Variants in CTNND2 observed in about 807,000 individuals in gnomAD.
CTNND2 encodes catenin delta-2.
A neutral mutation model predicts 144.4 loss-of-function variants in CTNND2; 22 were observed. The ratio of observed to expected loss-of-function variants is 0.15; its 90% CI spans 0.11 to 0.22. The LOEUF (loss-of-function observed/expected upper bound fraction) is 0.22, where lower values mean the gene tolerates loss of function less well. Among genes scored for constraint, CTNND2 ranks in the 10% least tolerant of loss-of-function variants. The probability of loss-of-function intolerance (pLI) is 1.00; values close to 1 mark genes in which losing one functional copy is unlikely to be tolerated. For missense variants in CTNND2, 1,353 were observed against 1,618.8 expected (o/e 0.84, Z 2.82); for synonymous variants, 751 against 695.6 (o/e 1.08, Z -1.25).
At chr5:11,608,181 T>C (rs1294646183) in intron 2 of CTNND2, among the ~76,000 whole-genome samples, 3 of 152,204 alleles carry the variant, frequency 2.0e-5, no homozygotes, top group South Asian at 4.1e-4. Flanking sequence ...CTATGATTCA[T>C]AGAAACCCAG....
rs1447631152 is a variant in CTNND2, at chr5:11,557,341, T to C, written c.287+7603A>G. On this transcript the variant is annotated intron_variant, in intron 3 of 21. Coordinates refer to ENST00000304623, the MANE Select transcript of CTNND2 (RefSeq NM_001332.4). ...ATCATCAAAATTTCTCAAGGGCTAC[T>C]TTCTCTTCTGCAGGTTCTGGGGAAT... 1.1e-4 allele frequency among the ~76,000 whole-genome samples: 17 copies of C among 152,186 alleles called. No individual in the cohort carries two copies. The East Asian group carries it at 3.3e-3, about 29-fold the overall frequency.
chr5:11,470,982 T>TATATATATATATATATA (rs56744030), intron 3 of CTNND2, among the ~76,000 whole-genome samples: 112 of 37,758 alleles, frequency 3.0e-3, no homozygotes, highest in South Asian at 6.5e-3. Flanking sequence ...ATATATATAT[T>TATATATATATATATATA]TTTTTTTTTT....
chr5:11,353,288 G>A (rs1755517835), intron 8 of CTNND2, among the ~76,000 whole-genome samples: 1 of 152,052 alleles, frequency 6.6e-6, no homozygotes, highest in Non-Finnish European at 1.5e-5. Flanking sequence ...CAGGACGGTG[G>A]GCAGGACTGG....
intron 1 of CTNND2, among the ~76,000 whole-genome samples, chr5:11,812,279 A>C (rs1041478171): frequency 1.3e-5 from 2 of 152,186 alleles, no homozygotes; most frequent in African/African-American, 4.8e-5. Flanking sequence ...TTTAATCTTA[A>C]GATGAATTAG....
chr5:11,510,627 A>G (rs1771544703), intron 3 of CTNND2, among the ~76,000 whole-genome samples: 1 of 152,190 alleles, frequency 6.6e-6, no homozygotes, highest in African/African-American at 2.4e-5. Context: ...AAGCAAACAC[A>G]CTCAAATTTA....
intron 19 of CTNND2, among the ~76,000 whole-genome samples, chr5:10,989,243 C>A (rs1219020191): frequency 6.6e-6 from 1 of 152,160 alleles, no homozygotes; most frequent in Non-Finnish European, 1.5e-5. Context: ...CGCACCCCAC[C>A]CTGTGGGCAC....
At chr5:11,799,263 G>T (rs1009708939) in intron 1 of CTNND2, among the ~76,000 whole-genome samples, 1 of 152,064 alleles carries the variant, frequency 6.6e-6, no homozygotes, top group Non-Finnish European at 1.5e-5. Context: ...CCCATTCTGT[G>T]ATTCTATCTT....
rs1332603131 is a variant in CTNND2, at chr5:11,734,241, C to T, written c.38-1969G>A. ...CAAGAGAGCAGCCATGACCTTGTAT[C>T]GCCACCTCTCTCCATGTCCAATGGT... On this transcript the variant is annotated intron_variant, in intron 1 of 21. Transcript: ENST00000304623. Among the ~76,000 whole-genome samples, 6 of 152,278 alleles carry T rather than the reference C, an allele frequency of 3.9e-5. No homozygotes were observed. The South Asian group carries it at 1.0e-3, about 26-fold the overall frequency.
At chr5:11,404,522 A>C (rs1760908769) in intron 5 of CTNND2, among the ~76,000 whole-genome samples, 1 of 150,750 alleles carries the variant, frequency 6.6e-6, no homozygotes, top group African/African-American at 2.4e-5. Flanking sequence ...AAAACTCAGT[A>C]CATTAAGAGT....
chr5:11,003,118 A>C (rs1269691211), intron 18 of CTNND2, among the ~76,000 whole-genome samples: 1 of 152,210 alleles, frequency 6.6e-6, no homozygotes, highest in Admixed American at 6.5e-5. Context: ...CTGAAGTCAC[A>C]AACACAAGCT....
At chr5:11,408,962 G>A (rs184935879) in intron 5 of CTNND2, among the ~76,000 whole-genome samples, 17 of 151,698 alleles carry the variant, frequency 1.1e-4, no homozygotes, top group East Asian at 7.7e-4. Flanking sequence ...TACTATTATC[G>A]TATGCATCTT....
At chr5:11,327,667 C>A (rs905388836) in intron 9 of CTNND2, among the ~76,000 whole-genome samples, 1 of 152,120 alleles carries the variant, frequency 6.6e-6, no homozygotes, top group Non-Finnish European at 1.5e-5. Context: ...GGAGTAACAT[C>A]ATAACGTCAT....
intron 2 of CTNND2, among the ~76,000 whole-genome samples, chr5:11,685,508 G>T (rs1397723127): frequency 6.6e-6 from 1 of 152,042 alleles, no homozygotes; most frequent in Non-Finnish European, 1.5e-5. Context: ...TTAGGGATTG[G>T]GATATAACAA....
chr5:11,006,297 T>C (rs1001812805), intron 18 of CTNND2, among the ~76,000 whole-genome samples: 4 of 152,196 alleles, frequency 2.6e-5, no homozygotes, highest in Admixed American at 2.6e-4. Context: ...TGGATGCCCA[T>C]CTAGACCACA....
At chr5:11,873,324 G>A (rs1735302892) in intron 1 of CTNND2, among the ~76,000 whole-genome samples, 1 of 152,132 alleles carries the variant, frequency 6.6e-6, no homozygotes, top group Non-Finnish European at 1.5e-5. Context: ...GATACTAAAA[G>A]ATGAAACAGT....
intron 2 of CTNND2, among the ~76,000 whole-genome samples, chr5:11,677,369 G>C (rs1784224459): frequency 1.3e-5 from 2 of 152,148 alleles, no homozygotes; most frequent in Non-Finnish European, 2.9e-5. Flanking sequence ...CCTGAGTAGA[G>C]CTCCTGGAAC....
intron 3 of CTNND2, among the ~76,000 whole-genome samples, chr5:11,478,546 T>C (rs969440949): frequency 2.6e-5 from 4 of 152,238 alleles, no homozygotes; most frequent in African/African-American, 9.6e-5. Context: ...GCCACATCTG[T>C]TCATTTATTT....
At chr5:11,563,316 C>T (rs1776821367) in intron 3 of CTNND2, among the ~76,000 whole-genome samples, 1 of 152,206 alleles carries the variant, frequency 6.6e-6, no homozygotes, top group African/African-American at 2.4e-5. Context: ...AACTCGACAT[C>T]AAGTCAATGG....
intron 1 of CTNND2, among the ~76,000 whole-genome samples, chr5:11,763,661 T>G (rs148727131): frequency 1.8e-3 from 272 of 152,322 alleles, no homozygotes; most frequent in African/African-American, 6.4e-3. Context: ...CATTTCATAT[T>G]AGCAAATTCA....
Sources: gnomAD v4.1 joint callset for allele counts (sites outside exome capture counted in the v4.1 genomes callset) on GRCh38, gnomAD v4.1.1 for gene constraint, MANE v1.5 for transcripts, NCBI Gene and HGNC (gene_info 2026-07-23, HGNC 2026-07-21) for gene names.